Variants in PDE3A observed in about 807,000 individuals in gnomAD.
PDE3A encodes phosphodiesterase 3A.
Under a neutral mutation model 98.3 loss-of-function variants are expected in PDE3A, and 43 were observed. That is an observed-to-expected ratio of 0.44 (90% CI 0.34 to 0.56). The LOEUF is 0.56. Among genes scored for constraint, PDE3A ranks in the 20% least tolerant of loss-of-function variants. The probability of loss-of-function intolerance (pLI) is 0.01; values close to 1 mark genes in which losing one functional copy is unlikely to be tolerated. For missense variants in PDE3A, 1,427 were observed against 1,440.7 expected, an observed-to-expected ratio of 0.99 and a Z score of 0.15; for synonymous variants, 663 against 567.9, an observed-to-expected ratio of 1.17 and a Z score of -2.38.
At chr12:20,513,651 T>G (rs1946266325) in intron 1 of PDE3A, among the ~76,000 whole-genome samples, 1 of 152,152 alleles carries the variant, frequency 6.6e-6, no homozygotes, top group Non-Finnish European at 1.5e-5. Flanking sequence ...ATTTTCAGAT[T>G]TTTTTATGAC....
chr12:20,628,930 C>T (rs758790529), intron 5 of PDE3A, among the ~76,000 whole-genome samples: 3 of 152,274 alleles, frequency 2.0e-5, no homozygotes, highest in Non-Finnish European at 4.4e-5. Flanking sequence ...TAACCACACA[C>T]ATAATTTGAT....
At chr12:20,607,605 C>T (rs900154057) in intron 2 of PDE3A, among the ~76,000 whole-genome samples, 5 of 151,844 alleles carry the variant, frequency 3.3e-5, no homozygotes, top group African/African-American at 1.2e-4. Flanking sequence ...ATTTGGTTGC[C>T]ATTTAAATAG....
intron 2 of PDE3A, among the ~76,000 whole-genome samples, chr12:20,591,818 A>G (rs888150502): frequency 6.6e-6 from 1 of 152,222 alleles, no homozygotes; most frequent in African/African-American, 2.4e-5. Context: ...GAGAACTGTC[A>G]TAGCCAAACA....
intron 1 of PDE3A, among the ~76,000 whole-genome samples, chr12:20,474,134 C>T (rs1001247859): frequency 6.6e-6 from 1 of 152,016 alleles, no homozygotes; most frequent in East Asian, 1.9e-4. Flanking sequence ...TCCTATATAC[C>T]GACAAATATG....
intron 1 of PDE3A, among the ~76,000 whole-genome samples, chr12:20,512,498 C>T (rs10082939): frequency 0.031 from 4,779 of 152,068 alleles, 239 homozygotes; most frequent in African/African-American, 0.11. Context: ...TCTACTGTTG[C>T]TTTCATATCT....
At position 20,369,640 on chromosome 12, in the gene PDE3A, C is replaced by G; in HGVS notation, c.356C>G (p.Ala119Gly). ...GTCTTCCCGGGGCCTCGGGGAGGTGCTCCCGGGGGCGGTGCGCGGCTCAGC... is the reference window on the plus strand; with the variant it reads ...GTCTTCCCGGGGCCTCGGGGAGGTGGTCCCGGGGGCGGTGCGCGGCTCAGC... ...GGVFPGPRGG[A>G]PGGGARLSPW... The change falls in exon 1 of 16, where the codon GCT becomes GGT. Residue 119 changes from alanine (A) to glycine (G), a missense_variant. This residue lies in a region of PDE3A where 1,012 missense variants were observed against 886.5 expected (regional missense o/e 1.14). Transcript: ENST00000359062. The G allele has an allele frequency of 6.3e-7, 1 of 1,594,848 alleles. No individual in the cohort carries two copies. The highest frequency in any genetic ancestry group is 8.5e-7 in the Non-Finnish European group (1 of 1,171,518).
intron 1 of PDE3A, among the ~76,000 whole-genome samples, chr12:20,468,009 T>A (rs546878591): frequency 7.3e-6 from 1 of 136,070 alleles, no homozygotes; most frequent in East Asian, 2.2e-4. Context: ...GAACGTTTCT[T>A]GAAACACTTA....
intron 1 of PDE3A, among the ~76,000 whole-genome samples, chr12:20,382,612 TAGAA>T (rs1399544480): frequency 1.3e-5 from 2 of 151,964 alleles, no homozygotes; most frequent in Non-Finnish European, 2.9e-5. Flanking sequence ...AAATGTTAAA[TAGAA>T]AGAATATATG....
Position 20,369,029 on chromosome 12 carries a change from C to G in PDE3A, c.-256C>G, listed in dbSNP as rs963450518. The stretch of plus-strand genomic sequence containing the variant: ...AAGGGGAATCCTGATCGTTTCTGCC[C>G]GTGCTTGTTTTCAACTTGAGCGTGC... On this transcript the variant is annotated 5_prime_UTR_variant, in exon 1 of 16. Coordinates refer to ENST00000359062, the MANE Select transcript of PDE3A (RefSeq NM_000921.5). Among the ~76,000 whole-genome samples, 5 of 152,166 alleles carry G rather than the reference C, an allele frequency of 3.3e-5. No individual in the cohort carries two copies. Among genetic ancestry groups the G allele is most frequent in the Non-Finnish European group, 7.3e-5 (5 of 68,036 alleles).
At chr12:20,601,251 TTTGTTTG>T (rs1183523820) in intron 2 of PDE3A, among the ~76,000 whole-genome samples, 1 of 152,132 alleles carries the variant, frequency 6.6e-6, no homozygotes, top group East Asian at 1.9e-4. Flanking sequence ...TGTTTGTTTG[TTTGTTTG>T]TTTGTTTTTT....
At chr12:20,585,471 C>T (rs1041432549) in intron 2 of PDE3A, among the ~76,000 whole-genome samples, 6 of 152,200 alleles carry the variant, frequency 3.9e-5, no homozygotes, top group African/African-American at 1.2e-4. Flanking sequence ...ACCAAAACAA[C>T]GTAAGTTATT....
chr12:20,414,616 C>G (rs759837707), intron 1 of PDE3A, among the ~76,000 whole-genome samples: 1 of 152,178 alleles, frequency 6.6e-6, no homozygotes, highest in Non-Finnish European at 1.5e-5. Context: ...TCACATCTCT[C>G]TTGAGTATTC....
chr12:20,666,755 T>A (rs1376867221), intron 15 of PDE3A, among the ~76,000 whole-genome samples: 3 of 152,234 alleles, frequency 2.0e-5, no homozygotes, highest in African/African-American at 7.2e-5. Flanking sequence ...TGCAATTATC[T>A]TTTTAATATA....
Position 20,498,441 on chromosome 12 carries a change from A to G in PDE3A, c.961-58219A>G, listed in dbSNP as rs112477492. Among the ~76,000 whole-genome samples the G allele has an allele frequency of 3.3e-3, 504 of 152,136 alleles. 7 individuals carry two copies. The highest frequency in any genetic ancestry group is 0.011 in the African/African-American group (474 of 41,472). On this transcript the variant is annotated intron_variant, in intron 1 of 15. Coordinates refer to ENST00000359062, the MANE Select transcript of PDE3A (RefSeq NM_000921.5). ...TGCAGACTTTAAATCATTATTCCCT[A>G]GACAGCAGACTATACCAACTATTTA...
At chr12:20,470,124 T>C (rs1945412104) in intron 1 of PDE3A, among the ~76,000 whole-genome samples, 1 of 152,124 alleles carries the variant, frequency 6.6e-6, no homozygotes, top group Non-Finnish European at 1.5e-5. Flanking sequence ...ACTTGGATTG[T>C]TTTCTCTTAC....
intron 12 of PDE3A, among the ~76,000 whole-genome samples, chr12:20,648,014 C>CT (rs1944818101): frequency 6.6e-6 from 1 of 151,408 alleles, no homozygotes; most frequent in Non-Finnish European, 1.5e-5. Context: ...GGCAGCTTCC[C>CT]TTTTTAAAAA....
At chr12:20,651,846 C>T (rs532625070) in intron 14 of PDE3A, among the ~76,000 whole-genome samples, 16 of 152,172 alleles carry the variant, frequency 1.1e-4, no homozygotes, top group Middle Eastern at 6.8e-3. Flanking sequence ...TATACATGTG[C>T]CCTGTTGGTG....
chr12:20,401,638 CT>C (rs1271493019), intron 1 of PDE3A, among the ~76,000 whole-genome samples: 1 of 152,156 alleles, frequency 6.6e-6, no homozygotes, highest in African/African-American at 2.4e-5. Flanking sequence ...TACCCATCTT[CT>C]ACCTGCTTCA....
chr12:20,587,701 T>TGTAA (rs1943228376), intron 2 of PDE3A, among the ~76,000 whole-genome samples: 1 of 152,232 alleles, frequency 6.6e-6, no homozygotes, highest in African/African-American at 2.4e-5. Flanking sequence ...ATATATGGTG[T>TGTAA]GTAAGTTCTT....
Sources: gnomAD v4.1 joint callset for allele counts (sites outside exome capture counted in the v4.1 genomes callset) on GRCh38, gnomAD v4.1.1 for gene constraint, gnomAD v4.1.1 regional missense constraint, MANE v1.5 for transcripts, NCBI Gene and HGNC (gene_info 2026-07-23, HGNC 2026-07-21) for gene names.